Variants in C4orf51 observed in about 807,000 individuals in gnomAD.
C4orf51 encodes uncharacterized protein C4orf51.
Under a neutral mutation model 25.2 loss-of-function variants are expected in C4orf51, and 25 were observed. The observed-to-expected ratio is 0.99, with a 90% CI of 0.72 to 1.39. The LOEUF (loss-of-function observed/expected upper bound fraction) is 1.39. C4orf51 is among the 40% of genes most tolerant of loss of function. C4orf51 has a pLI of 0.00. For synonymous variants in C4orf51, 100 were observed against 84.5 expected, an observed-to-expected ratio of 1.18 and a Z score of -1.01; for missense variants, 252 against 239.6, an observed-to-expected ratio of 1.05 and a Z score of -0.34.
chr4:145,734,683 A>G (rs1732707531), downstream of C4orf51, among the ~76,000 whole-genome samples: 1 of 152,212 alleles, frequency 6.6e-6, no homozygotes, highest in Non-Finnish European at 1.5e-5. Context: ...GCAAAGTAAT[A>G]ACAAGGAAAG....
chr4:145,717,900 T>C (rs951899968), intron 2 of C4orf51, among the ~76,000 whole-genome samples: 2 of 152,254 alleles, frequency 1.3e-5, no homozygotes, highest in African/African-American at 4.8e-5. Flanking sequence ...ACAAATCCAA[T>C]ATTATAAAGC....
chr4:145,734,109 A>G (rs1186764828), downstream of C4orf51, among the ~76,000 whole-genome samples: 1 of 152,218 alleles, frequency 6.6e-6, no homozygotes, highest in Non-Finnish European at 1.5e-5. Context: ...CACAAGTTCA[A>G]TTTGACCAGC....
rs1238712145 is a variant in C4orf51 at position 145,701,538 on chromosome 4, C to G, written c.307+4906C>G. On this transcript the variant is annotated intron_variant, in intron 2 of 5. Coordinates refer to ENST00000438731, the MANE Select transcript of C4orf51 (RefSeq NM_001080531.3). ...CTCTGGCCCAAGGCTCTCTGACTGA[C>G]TCCTTGGCTTAGCGGCTGAAGACTG... Among the ~76,000 whole-genome samples, 3 of 151,954 alleles carry G rather than the reference C, an allele frequency of 2.0e-5. No homozygotes were observed. The East Asian group carries it at 5.8e-4, about 29-fold the overall frequency.
In C4orf51 at chr4:145,742,293, T is replaced by A. The variant is rs548877359; in HGVS notation, n.167+9674T>A. Among the ~76,000 whole-genome samples the A allele has an allele frequency of 4.6e-5, 7 of 152,278 alleles. No homozygotes were observed. In the South Asian group the frequency reaches 1.5e-3, roughly 32 times the overall value. The stretch of plus-strand genomic sequence containing the variant: ...CTCTGGCTTCTCTGTTTCTTCTCAT[T>A]CTCATGTGTTGACAACTCCTCCTCT... On this transcript the variant is annotated intron_variant and non_coding_transcript_variant, in intron 1 of 1. Transcript: ENST00000508981.
At chr4:145,743,227 T>A (rs1299088325) in intron 1 of C4orf51, among the ~76,000 whole-genome samples, 1 of 152,208 alleles carries the variant, frequency 6.6e-6, no homozygotes, top group Admixed American at 6.5e-5. Context: ...GTCTGTTTTG[T>A]GTTGCTGTAA....
At chr4:145,773,846 G>T (rs1333010463), downstream of C4orf51, among the ~76,000 whole-genome samples, 2 of 152,118 alleles carry the variant, frequency 1.3e-5, no homozygotes, top group African/African-American at 4.8e-5. Flanking sequence ...CACTGGAGAG[G>T]AACAGAGCCT....
intron 1 of C4orf51, among the ~76,000 whole-genome samples, chr4:145,764,010 C>T (rs1464994181): frequency 6.6e-6 from 1 of 152,190 alleles, no homozygotes; most frequent in Non-Finnish European, 1.5e-5. Flanking sequence ...TCTTTTCCAT[C>T]TCTCCCTTCC....
chr4:145,692,474 T>A (rs569648748), intron 1 of C4orf51, among the ~76,000 whole-genome samples: 67 of 152,186 alleles, frequency 4.4e-4, no homozygotes, highest in Non-Finnish European at 8.7e-4. Flanking sequence ...CTGCCCCAAA[T>A]CTACTGAAGA....
chr4:145,764,852 T>C (rs1308513317), intron 1 of C4orf51: 2 of 1,181,078 alleles, frequency 1.7e-6, no homozygotes, highest in East Asian at 2.4e-5. Flanking sequence ...GCAGCAGGGG[T>C]TCCTGACTAA....
intron 1 of C4orf51, among the ~76,000 whole-genome samples, chr4:145,769,448 A>G (rs1017343337): frequency 6.6e-6 from 1 of 152,232 alleles, no homozygotes; most frequent in African/African-American, 2.4e-5. Flanking sequence ...TAGAATTAAA[A>G]CATATTAATT....
At chr4:145,690,511 T>A (rs1238751683) in intron 1 of C4orf51, among the ~76,000 whole-genome samples, 1 of 151,442 alleles carries the variant, frequency 6.6e-6, no homozygotes, top group Non-Finnish European at 1.5e-5. Context: ...CTCAAAATAA[T>A]AATAATAATA....
rs867801010 is a variant in C4orf51, at chr4:145,728,051, C to T, written c.366+1082C>T. ...ATATTATATATAATATATATATACACACACACACACACACACACGCCATAT... is the reference window on the plus strand; with the variant it reads ...ATATTATATATAATATATATATACATACACACACACACACACACGCCATAT... On this transcript the variant is annotated intron_variant, in intron 3 of 5. Coordinates refer to ENST00000438731, the MANE Select transcript of C4orf51 (RefSeq NM_001080531.3). Among the ~76,000 whole-genome samples, 73 of 136,364 alleles carry T rather than the reference C, an allele frequency of 5.4e-4. No individual in the cohort carries two copies. In the South Asian group the frequency reaches 6.1e-3, roughly 11 times the overall value. The allele number at this position is 136,364 out of a possible 152,430, so 89.5% of individuals were successfully genotyped here.
At chr4:145,767,928 TAATA>T (rs1193703350) in intron 1 of C4orf51, among the ~76,000 whole-genome samples, 1 of 152,156 alleles carries the variant, frequency 6.6e-6, no homozygotes, top group Non-Finnish European at 1.5e-5. Context: ...AGGCTGGAAA[TAATA>T]AATACATGGA....
At chr4:145,681,218 T>C (rs1185823254) in intron 1 of C4orf51, among the ~76,000 whole-genome samples, 4 of 152,138 alleles carry the variant, frequency 2.6e-5, no homozygotes, top group African/African-American at 9.7e-5. Flanking sequence ...TCTGTATATA[T>C]TAATTGGTAA....
chr4:145,710,622 A>G (rs1167131051), intron 2 of C4orf51, among the ~76,000 whole-genome samples: 1 of 152,132 alleles, frequency 6.6e-6, no homozygotes, highest in African/African-American at 2.4e-5. Flanking sequence ...GAGCCCACTT[A>G]CCCATCTCCT....
chr4:145,712,743 A>G (rs1403188263), intron 2 of C4orf51, among the ~76,000 whole-genome samples: 1 of 152,254 alleles, frequency 6.6e-6, no homozygotes, highest in African/African-American at 2.4e-5. Flanking sequence ...TGTACTAAAC[A>G]ATATATTTTC....
chr4:145,729,512 A>C (rs187510841), intron 4 of C4orf51, among the ~76,000 whole-genome samples: 4 of 152,054 alleles, frequency 2.6e-5, no homozygotes, highest in Non-Finnish European at 5.9e-5. Flanking sequence ...CGTGTTAGCC[A>C]GGATGGTCTC....
intron 3 of C4orf51, among the ~76,000 whole-genome samples, chr4:145,728,163 C>A (rs1732219740): frequency 6.6e-6 from 1 of 150,392 alleles, no homozygotes; most frequent in Non-Finnish European, 1.5e-5. Context: ...GCTGTAAAAT[C>A]ATCTCTTCAG....
chr4:145,736,253 C>T (rs1046334577), downstream of C4orf51, among the ~76,000 whole-genome samples: 3 of 151,500 alleles, frequency 2.0e-5, no homozygotes, highest in East Asian at 1.9e-4. Context: ...AGCAGGTGAG[C>T]GCTCTCAGCT....
Sources: allele counts gnomAD v4.1 joint callset (sites outside exome capture counted in the v4.1 genomes callset), GRCh38; gene constraint gnomAD v4.1.1; transcripts MANE v1.5; gene names NCBI Gene and HGNC (gene_info 2026-07-23, HGNC 2026-07-21).